Variants in AGBL1 observed in about 807,000 individuals in gnomAD.
AGBL1 encodes the protein AGBL carboxypeptidase 1.
Under a neutral mutation model 118.9 loss-of-function variants are expected in AGBL1, and 130 were observed. The ratio of observed to expected loss-of-function variants is 1.09; its 90% CI spans 0.95 to 1.26. The LOEUF is 1.26. Among genes scored for constraint, AGBL1 ranks in the 50% most tolerant of loss-of-function variants. The pLI is 0.00. For synonymous variants in AGBL1, 555 were observed against 478.9 expected, an observed-to-expected ratio of 1.16 and a Z score of -2.08; for missense variants, 1,584 against 1,298.1, an observed-to-expected ratio of 1.22 and a Z score of -3.38.
intron 21 of AGBL1, among the ~76,000 whole-genome samples, chr15:86,582,613 A>T (rs1010409925): frequency 1.1e-4 from 16 of 152,180 alleles, no homozygotes; most frequent in African/African-American, 3.9e-4. Context: ...AACCAAGCCA[A>T]ATGTCCAACA....
At chr15:86,158,406 C>T (rs2077221627) in intron 4 of AGBL1, among the ~76,000 whole-genome samples, 1 of 152,146 alleles carries the variant, frequency 6.6e-6, no homozygotes, top group Non-Finnish European at 1.5e-5. Flanking sequence ...AGGTCTTTGT[C>T]TTAAAAACAC....
chr15:86,118,666 G>A (rs1409362591), intron 1 of AGBL1, among the ~76,000 whole-genome samples: 1 of 152,082 alleles, frequency 6.6e-6, no homozygotes, highest in Non-Finnish European at 1.5e-5. Context: ...CAGCCATTAA[G>A]GGAGGTGATG....
chr15:86,502,229 A>G (rs2082925535), intron 18 of AGBL1, among the ~76,000 whole-genome samples: 1 of 151,380 alleles, frequency 6.6e-6, no homozygotes, highest in Admixed American at 6.6e-5. Flanking sequence ...TTTAAATTTT[A>G]TTTTTAGATT....
At chr15:86,112,859 T>A (rs1053274752) in intron 1 of AGBL1, among the ~76,000 whole-genome samples, 16 of 152,348 alleles carry the variant, frequency 1.1e-4, no homozygotes, top group African/African-American at 2.6e-4. Context: ...ATTTTTTTTT[T>A]AAAATAAGCC....
At chr15:86,297,429 G>A (rs552282370) in intron 17 of AGBL1, among the ~76,000 whole-genome samples, 1 of 152,258 alleles carries the variant, frequency 6.6e-6, no homozygotes, top group South Asian at 2.1e-4. Flanking sequence ...CATGCACTCT[G>A]CTTAATGCTT....
chr15:86,520,452 C>G (rs1309187738), intron 18 of AGBL1, among the ~76,000 whole-genome samples: 1 of 152,096 alleles, frequency 6.6e-6, no homozygotes, highest in African/African-American at 2.4e-5. Context: ...CAAATTTGGG[C>G]TTCTGGTTTC....
intron 17 of AGBL1, among the ~76,000 whole-genome samples, chr15:86,372,076 G>C (rs978704427): frequency 1.3e-5 from 2 of 152,190 alleles, no homozygotes; most frequent in African/African-American, 2.4e-5. Flanking sequence ...TTTTCATCCT[G>C]GTATAATGTG....
intron 21 of AGBL1, among the ~76,000 whole-genome samples, chr15:86,603,872 G>T (rs74025385): frequency 2.0e-5 from 3 of 151,962 alleles, no homozygotes; most frequent in Admixed American, 2.0e-4. Context: ...TTCTACTATA[G>T]CCCCTGAGTA....
At chr15:86,092,385 T>C (rs527955749) in intron 1 of AGBL1, among the ~76,000 whole-genome samples, 29 of 152,310 alleles carry the variant, frequency 1.9e-4, no homozygotes, top group African/African-American at 6.7e-4. Flanking sequence ...AGTTGATCTC[T>C]AACCTTCCAT....
At chr15:87,029,888 T>C (rs755326091), downstream of AGBL1, among the ~76,000 whole-genome samples, 13 of 151,884 alleles carry the variant, frequency 8.6e-5, no homozygotes, top group Non-Finnish European at 1.8e-4. Context: ...GGGTATTTTG[T>C]TGTAGAGGCA....
chr15:86,783,165 C>A (rs1034400361), intron 22 of AGBL1, among the ~76,000 whole-genome samples: 12 of 152,146 alleles, frequency 7.9e-5, no homozygotes, highest in Non-Finnish European at 1.5e-4. Flanking sequence ...TTAATTGTTA[C>A]CCCCTGCTTT....
chr15:86,370,900 G>A (rs1002571897), intron 17 of AGBL1, among the ~76,000 whole-genome samples: 2 of 152,180 alleles, frequency 1.3e-5, no homozygotes, highest in African/African-American at 4.8e-5. Flanking sequence ...GATCACAGAA[G>A]GCACCTACAC....
chr15:86,224,955 A>G lies in AGBL1; in HGVS notation c.526+4A>G. ...TTGGCAGCATTGCTGAAATCCAGTA[A>G]GCACCTCTTTTGAAGGGTGGCTATT... On this transcript the variant is annotated splice_donor_region_variant and intron_variant, in intron 6 of 22. Coordinates refer to ENST00000614907, the MANE Select transcript of AGBL1 (RefSeq NM_001386094.1). 1 of 1,613,134 alleles carries G rather than the reference A, an allele frequency of 6.2e-7. No homozygotes were observed. Among genetic ancestry groups the G allele is most frequent in the South Asian group, 1.1e-5 (1 of 91,034 alleles).
At chr15:86,103,777 G>C (rs953478339) in intron 1 of AGBL1, among the ~76,000 whole-genome samples, 3 of 152,186 alleles carry the variant, frequency 2.0e-5, no homozygotes, top group African/African-American at 7.2e-5. Context: ...TGGTCCTCAG[G>C]GTGGCATATG....
chr15:86,268,555 A>G (rs1451757987), intron 13 of AGBL1, among the ~76,000 whole-genome samples: 2 of 152,142 alleles, frequency 1.3e-5, no homozygotes, highest in East Asian at 3.9e-4. Context: ...TTCATCAGTT[A>G]TGGTCAGGGT....
intron 22 of AGBL1, among the ~76,000 whole-genome samples, chr15:86,783,266 C>T (rs1213822945): frequency 6.6e-6 from 1 of 152,098 alleles, no homozygotes; most frequent in Non-Finnish European, 1.5e-5. Context: ...AAGTTCTGGT[C>T]CTCTATTCTG....
intron 24 of AGBL1, among the ~76,000 whole-genome samples, chr15:87,027,055 G>A (rs2081735486): frequency 6.6e-6 from 1 of 151,840 alleles, no homozygotes; most frequent in African/African-American, 2.4e-5. Context: ...TGGGTGATGG[G>A]TGCACCAAAA....
intron 21 of AGBL1, among the ~76,000 whole-genome samples, chr15:86,594,284 T>G (rs1253064007): frequency 6.6e-6 from 1 of 152,172 alleles, no homozygotes; most frequent in Non-Finnish European, 1.5e-5. Context: ...TCTTTTCATA[T>G]GTTGCTAGAG....
chr15:86,608,298 G>A (rs1396182043), intron 21 of AGBL1, among the ~76,000 whole-genome samples: 1 of 152,114 alleles, frequency 6.6e-6, no homozygotes, highest in Non-Finnish European at 1.5e-5. Flanking sequence ...CTTTGCCTTG[G>A]TTAGACACAG....
Sources: gnomAD v4.1 joint callset for allele counts (sites outside exome capture counted in the v4.1 genomes callset) on GRCh38, gnomAD v4.1.1 for gene constraint, MANE v1.5 for transcripts, NCBI Gene and HGNC (gene_info 2026-07-23, HGNC 2026-07-21) for gene names.